Variants in CCSER1 observed in about 807,000 individuals in gnomAD.
CCSER1 encodes the protein coiled-coil serine rich protein 1, also known as serine-rich coiled-coil domain-containing protein 1.
A neutral mutation model predicts 82.0 loss-of-function variants in CCSER1; 41 were observed. That is an observed-to-expected ratio of 0.50 (90% CI 0.39 to 0.65). The LOEUF (loss-of-function observed/expected upper bound fraction) is 0.65, where lower values mean the gene tolerates loss of function less well. Among genes scored for constraint, CCSER1 ranks in the 30% least tolerant of loss-of-function variants. CCSER1 has a pLI of 0.00. For synonymous variants in CCSER1, 414 were observed against 383.9 expected (o/e 1.08, Z -0.92); for missense variants, 1,119 against 1,064.2 (o/e 1.05, Z -0.72).
At chr4:90,411,838 GT>G (rs1754892716) in intron 4 of CCSER1, among the ~76,000 whole-genome samples, 1 of 152,138 alleles carries the variant, frequency 6.6e-6, no homozygotes, top group African/African-American at 2.4e-5. Context: ...AATTGTCCCT[GT>G]TTGCAGATAA....
chr4:91,196,958 T>G (rs1735489265), intron 10 of CCSER1, among the ~76,000 whole-genome samples: 1 of 152,200 alleles, frequency 6.6e-6, no homozygotes. Context: ...GGGAGCTAGC[T>G]CCAAAAGAGA....
At chr4:90,705,016 G>T (rs970399002) in intron 6 of CCSER1, among the ~76,000 whole-genome samples, 5 of 152,186 alleles carry the variant, frequency 3.3e-5, no homozygotes, top group African/African-American at 1.2e-4. Flanking sequence ...CTGCTGGTGA[G>T]GAGCTGTGTT....
At chr4:91,513,949 A>T (rs1312929112) in intron 10 of CCSER1, among the ~76,000 whole-genome samples, 1 of 151,714 alleles carries the variant, frequency 6.6e-6, no homozygotes, top group East Asian at 1.9e-4. Flanking sequence ...TTGGGTCTCA[A>T]TTTCATTCAA....
chr4:91,456,609 T>A (rs112011753), intron 10 of CCSER1, among the ~76,000 whole-genome samples: 1,555 of 152,218 alleles, frequency 0.01, 11 homozygotes, highest in Middle Eastern at 0.02. Flanking sequence ...AATAGAATTT[T>A]AAAAAATCCT....
chr4:90,147,478 T>C lies in CCSER1; in HGVS notation c.-42+19647T>C, dbSNP rs1038433571. On this transcript the variant is annotated intron_variant, in intron 1 of 10. Transcript: ENST00000509176. The stretch of plus-strand genomic sequence containing the variant: ...TATTAAAATATGCATCTAGTAATTA[T>C]AGATATAAAAGTAGTATTGGCCATG... 4.6e-5 allele frequency among the ~76,000 whole-genome samples: 7 copies of C among 152,282 alleles called. No homozygotes were observed. In the South Asian group the frequency reaches 1.0e-3, roughly 23 times the overall value.
intron 10 of CCSER1, among the ~76,000 whole-genome samples, chr4:91,180,037 C>G (rs1205130780): frequency 6.6e-6 from 1 of 152,182 alleles, no homozygotes; most frequent in Non-Finnish European, 1.5e-5. Context: ...TAGTCAGGAT[C>G]CCCAGCTGCA....
intron 8 of CCSER1, among the ~76,000 whole-genome samples, chr4:90,921,467 T>G (rs73834583): frequency 0.047 from 7,145 of 152,082 alleles, 545 homozygotes; most frequent in African/African-American, 0.16. Context: ...GAAATGTCTG[T>G]GTTTTATTTA....
chr4:91,432,586 G>A (rs1754393071), intron 10 of CCSER1, among the ~76,000 whole-genome samples: 2 of 151,768 alleles, frequency 1.3e-5, no homozygotes, highest in South Asian at 2.1e-4. Flanking sequence ...TTTATTAACT[G>A]GTAGGTGAAA....
At chr4:91,567,134 A>T (rs775052657) in intron 10 of CCSER1, among the ~76,000 whole-genome samples, 1 of 152,188 alleles carries the variant, frequency 6.6e-6, no homozygotes, top group Non-Finnish European at 1.5e-5. Context: ...TAATATCATT[A>T]GTTACCCAAA....
Position 91,155,820 on chromosome 4 carries a change from T to A in CCSER1, c.2217+69826T>A, listed in dbSNP as rs555132843. On this transcript the variant is annotated intron_variant, in intron 10 of 10. Transcript: ENST00000509176. ...ATTAATGTAACATCGATATATACAGTTTAGAATGGTTGACAGTTTTCCATT... is the reference window on the plus strand; with the variant it reads ...ATTAATGTAACATCGATATATACAGATTAGAATGGTTGACAGTTTTCCATT... 1.3e-4 allele frequency among the ~76,000 whole-genome samples: 19 copies of A among 151,896 alleles called. 1 individual carries two copies. The South Asian group carries it at 4.0e-3, about 32-fold the overall frequency.
intron 10 of CCSER1, among the ~76,000 whole-genome samples, chr4:91,281,987 T>G (rs1742950348): frequency 6.6e-6 from 1 of 152,202 alleles, no homozygotes; most frequent in Admixed American, 6.5e-5. Flanking sequence ...AAATATTGGT[T>G]TTTGTTATTT....
At position 90,271,841 on chromosome 4, in the gene CCSER1, TATATATATATATATATA is replaced by T. The variant is rs1560918673; in HGVS notation, c.-41-36402_-41-36386del. ...ACTGGACAATTTATATATATATATA[TATATATATATATATATA>T]TATATTTTTTTTTTTTTTTTTTTTT... On this transcript the variant is annotated intron_variant, in intron 1 of 10. Coordinates refer to ENST00000509176, the MANE Select transcript of CCSER1 (RefSeq NM_001145065.2). Among the ~76,000 whole-genome samples, 3 of 23,574 alleles carry T rather than the reference TATATATATATATATATA, an allele frequency of 1.3e-4. 1 individual carries two copies. Among genetic ancestry groups the T allele is most frequent in the African/African-American group, 6.8e-4 (2 of 2,958 alleles). 15.5% of individuals were successfully genotyped at this position (23,574 alleles called of 152,430 possible). A position where few individuals can be genotyped will look rare whatever the true frequency, so the allele number is the denominator to read the frequency against.
rs758866119 is a variant in CCSER1, at chr4:91,246,821, CACACAT to C, written c.2217+160833_2217+160838del. Among the ~76,000 whole-genome samples, 289 of 126,576 alleles carry C rather than the reference CACACAT, an allele frequency of 2.3e-3. 1 individual carries two copies. The highest frequency in any genetic ancestry group is 3.6e-3 in the Non-Finnish European group (218 of 60,082). 83.0% of individuals were successfully genotyped at this position (126,576 alleles called of 152,430 possible). On this transcript the variant is annotated intron_variant, in intron 10 of 10. Transcript: ENST00000509176. ...AAAAAAGGCATCTCATACACACATA[CACACAT>C]ACACACACACACACACACACACACA...
intron 9 of CCSER1, among the ~76,000 whole-genome samples, chr4:91,044,032 A>T (rs2150584066): frequency 6.6e-6 from 1 of 152,292 alleles, no homozygotes; most frequent in Admixed American, 6.5e-5. Context: ...ACATACAAAG[A>T]CCCAGGTGTT....
intron 9 of CCSER1, among the ~76,000 whole-genome samples, chr4:91,083,144 A>G (rs1365132853): frequency 6.6e-6 from 1 of 152,216 alleles, no homozygotes; most frequent in Non-Finnish European, 1.5e-5. Context: ...CACAATAGCA[A>G]AGACTTGGAA....
intron 10 of CCSER1, among the ~76,000 whole-genome samples, chr4:91,184,516 T>G (rs2149036423): frequency 6.6e-6 from 1 of 152,324 alleles, no homozygotes; most frequent in South Asian, 2.1e-4. Flanking sequence ...TTTACTTGAT[T>G]TTTCTTAGGA....
At chr4:91,107,439 T>C (rs899439226) in intron 10 of CCSER1, among the ~76,000 whole-genome samples, 8 of 152,146 alleles carry the variant, frequency 5.3e-5, no homozygotes, top group South Asian at 2.1e-4. Flanking sequence ...GTATTTTTAG[T>C]AGAGATGGGG....
intron 8 of CCSER1, among the ~76,000 whole-genome samples, chr4:90,887,417 G>T (rs1000274288): frequency 6.6e-6 from 1 of 152,040 alleles, no homozygotes; most frequent in African/African-American, 2.4e-5. Context: ...TTTGTTACTG[G>T]GTAAATTGAA....
At chr4:90,598,167 T>C (rs897802065) in intron 5 of CCSER1, among the ~76,000 whole-genome samples, 1 of 152,166 alleles carries the variant, frequency 6.6e-6, no homozygotes, top group Non-Finnish European at 1.5e-5. Context: ...AGAGGAAAGA[T>C]TGCTGAATCA....
Sources: gnomAD v4.1 joint callset for allele counts (sites outside exome capture counted in the v4.1 genomes callset) on GRCh38, gnomAD v4.1.1 for gene constraint, MANE v1.5 for transcripts, NCBI Gene and HGNC (gene_info 2026-07-23, HGNC 2026-07-21) for gene names.